Variants in CNTLN observed in about 807,000 individuals in gnomAD.
CNTLN encodes the protein centlein.
A neutral mutation model predicts 180.0 loss-of-function variants in CNTLN; 212 were observed. The ratio of observed to expected loss-of-function variants is 1.18; its 90% CI spans 1.05 to 1.32. CNTLN has a LOEUF of 1.32. Among genes scored for constraint, CNTLN ranks in the 40% most tolerant of loss-of-function variants. The probability of loss-of-function intolerance (pLI) is 0.00; values close to 1 mark genes in which losing one functional copy is unlikely to be tolerated. For missense variants in CNTLN, 2,095 were observed against 1,610.9 expected (o/e 1.30, Z -5.14); for synonymous variants, 722 against 563.1 (o/e 1.28, Z -3.99).
At chr9:17,356,081 AG>A (rs1390945240) in intron 12 of CNTLN, among the ~76,000 whole-genome samples, 2 of 151,724 alleles carry the variant, frequency 1.3e-5, no homozygotes, top group African/African-American at 4.8e-5. Flanking sequence ...AAAAAAAAAA[AG>A]AAAAAGGAAA....
chr9:17,441,099 A>G (rs1276658747), intron 18 of CNTLN, among the ~76,000 whole-genome samples: 1 of 152,252 alleles, frequency 6.6e-6, no homozygotes, highest in Admixed American at 6.5e-5. Context: ...GCCAACCAAG[A>G]ATATTATGTC....
At chr9:17,378,693 G>T (rs1587828254) in intron 13 of CNTLN, among the ~76,000 whole-genome samples, 1 of 151,796 alleles carries the variant, frequency 6.6e-6, no homozygotes, top group African/African-American at 2.4e-5. Context: ...ATTCAAAATC[G>T]GTATTTTGTT....
At chr9:17,245,440 G>GTT (rs553099095) in intron 5 of CNTLN, among the ~76,000 whole-genome samples, 9 of 132,146 alleles carry the variant, frequency 6.8e-5, no homozygotes, top group Non-Finnish European at 1.2e-4. Context: ...TGTTATTTGT[G>GTT]TTTTTTTTTT....
At chr9:17,218,167 A>T (rs770972995) in intron 2 of CNTLN, among the ~76,000 whole-genome samples, 1 of 152,172 alleles carries the variant, frequency 6.6e-6, no homozygotes, top group African/African-American at 2.4e-5. Flanking sequence ...CATGTATTTT[A>T]TACTGGAAAT....
At chr9:17,492,625 A>G (rs187818113) in intron 25 of CNTLN, among the ~76,000 whole-genome samples, 2 of 152,310 alleles carry the variant, frequency 1.3e-5, no homozygotes, top group Admixed American at 1.3e-4. Flanking sequence ...GTACACTTGT[A>G]TGTTGCTAAT....
chr9:17,407,671 C>G (rs1827498522), intron 15 of CNTLN, among the ~76,000 whole-genome samples: 1 of 152,104 alleles, frequency 6.6e-6, no homozygotes, highest in African/African-American at 2.4e-5. Context: ...TTTGTTAAAT[C>G]TTACTTGAGT....
intron 25 of CNTLN, among the ~76,000 whole-genome samples, chr9:17,499,575 A>G (rs540802500): frequency 6.6e-6 from 1 of 152,322 alleles, no homozygotes; most frequent in Admixed American, 6.5e-5. Flanking sequence ...TGTTCCATAA[A>G]CCAAGAACTA....
chr9:17,227,999 A>G (rs1005612541), intron 3 of CNTLN, among the ~76,000 whole-genome samples: 1 of 152,026 alleles, frequency 6.6e-6, no homozygotes, highest in Non-Finnish European at 1.5e-5. Flanking sequence ...CATCATTTGT[A>G]TTTACATTTT....
At chr9:17,479,835 T>C (rs1170276264) in intron 23 of CNTLN, among the ~76,000 whole-genome samples, 1 of 152,110 alleles carries the variant, frequency 6.6e-6, no homozygotes, top group East Asian at 1.9e-4. Flanking sequence ...ATGTATCTTT[T>C]GAACAAAGAG....
intron 16 of CNTLN, among the ~76,000 whole-genome samples, chr9:17,411,128 A>G (rs1172173073): frequency 1.3e-5 from 2 of 152,180 alleles, no homozygotes. Context: ...CCAGCTAGGT[A>G]CCTCAGCACT....
chr9:17,395,494 C>T (rs1826449606), intron 15 of CNTLN, among the ~76,000 whole-genome samples: 1 of 152,116 alleles, frequency 6.6e-6, no homozygotes, highest in Non-Finnish European at 1.5e-5. Context: ...CAATTTTCCC[C>T]CTTAATTTAG....
At chr9:17,266,716 G>T (rs1827482680) in intron 5 of CNTLN, among the ~76,000 whole-genome samples, 2 of 152,142 alleles carry the variant, frequency 1.3e-5, no homozygotes, top group South Asian at 4.1e-4. Context: ...ATGAATCTGG[G>T]TGCTCCTGTA....
At position 17,154,865 on chromosome 9, in the gene CNTLN, A is replaced by G. The variant is rs112343438; in HGVS notation, c.449+11489A>G. Reference sequence around the variant, plus strand: ...CTGAGCCAGCAGGGGCAACCTGCTCAGGTCCCTTTCCATACTGTGGAAGCT... The same window carrying G: ...CTGAGCCAGCAGGGGCAACCTGCTCGGGTCCCTTTCCATACTGTGGAAGCT... On this transcript the variant is annotated intron_variant, in intron 2 of 25. Coordinates refer to ENST00000380647, the MANE Select transcript of CNTLN (RefSeq NM_017738.4). Among the ~76,000 whole-genome samples, 1,512 of 152,358 alleles carry G rather than the reference A, an allele frequency of 9.9e-3. 15 individuals carry two copies. Among genetic ancestry groups the G allele is most frequent in the Middle Eastern group, 0.02 (6 of 294 alleles).
intron 12 of CNTLN, among the ~76,000 whole-genome samples, chr9:17,356,357 G>A (rs1822850130): frequency 6.6e-6 from 1 of 152,184 alleles, no homozygotes; most frequent in African/African-American, 2.4e-5. Flanking sequence ...CTAGGTAAGA[G>A]TGGAAAGTTT....
intron 13 of CNTLN, among the ~76,000 whole-genome samples, chr9:17,372,177 T>C (rs1168136935): frequency 6.6e-6 from 1 of 152,044 alleles, no homozygotes; most frequent in Non-Finnish European, 1.5e-5. Flanking sequence ...AACAAAAAAT[T>C]GGTTTATCAA....
chr9:17,233,426 G>T (rs73646764), intron 3 of CNTLN, among the ~76,000 whole-genome samples: 10 of 152,132 alleles, frequency 6.6e-5, no homozygotes, highest in African/African-American at 2.4e-4. Flanking sequence ...TGCTAAGAAT[G>T]TGTGCCTATT....
rs1255242642 is a variant in CNTLN, at chr9:17,348,542, T to A, written c.1886+6098T>A. ...TTTCTTTCTTTCTTTCTTTTTTTTT[T>A]TTTTTTGAGACGGAGTCTTGCTCTG... On this transcript the variant is annotated intron_variant, in intron 12 of 25. Coordinates refer to ENST00000380647, the MANE Select transcript of CNTLN (RefSeq NM_017738.4). 2.6e-5 allele frequency among the ~76,000 whole-genome samples: 4 copies of A among 151,324 alleles called. No homozygotes were observed. The South Asian group carries it at 8.3e-4, about 32-fold the overall frequency.
At chr9:17,258,602 A>T (rs1183905370) in intron 5 of CNTLN, among the ~76,000 whole-genome samples, 1 of 150,080 alleles carries the variant, frequency 6.7e-6, no homozygotes, top group Non-Finnish European at 1.5e-5. Flanking sequence ...GATTCTTCCT[A>T]CCCATGAACA....
chr9:17,380,888 T>G (rs1284911716), intron 13 of CNTLN, among the ~76,000 whole-genome samples: 1 of 152,202 alleles, frequency 6.6e-6, no homozygotes. Flanking sequence ...AGGCTGCAAG[T>G]CAAGTCCACT....
Sources: allele counts gnomAD v4.1 joint callset (sites outside exome capture counted in the v4.1 genomes callset), GRCh38; gene constraint gnomAD v4.1.1; transcripts MANE v1.5; gene names NCBI Gene and HGNC (gene_info 2026-07-23, HGNC 2026-07-21).